The following NRXN3 variants were observed in gnomAD, a reference collection of about 807,000 sequenced individuals.
NRXN3 encodes the protein neurexin III.
NRXN3 carries 32 observed loss-of-function variants against 137.6 expected under a neutral mutation model. The observed-to-expected ratio is 0.23, with a 90% confidence interval of 0.18 to 0.31. The LOEUF (loss-of-function observed/expected upper bound fraction) is 0.31. Ranked by LOEUF, NRXN3 falls within the 10% of genes least tolerant of loss-of-function variation. The pLI is 1.00. For synonymous variants in NRXN3, 798 were observed against 784.5 expected, an observed-to-expected ratio of 1.02 and a Z score of -0.29; for missense variants, 1,574 against 2,062.5, an observed-to-expected ratio of 0.76 and a Z score of 4.59.
At chr14:79,673,422 C>T (rs181230723) in intron 17 of NRXN3, among the ~76,000 whole-genome samples, 3 of 152,140 alleles carry the variant, frequency 2.0e-5, no homozygotes, top group Admixed American at 6.6e-5. Flanking sequence ...AATGTCAATT[C>T]GACAGAACTT....
chr14:79,845,784 C>T lies in NRXN3; in HGVS notation c.4094-15558C>T, dbSNP rs556473275. Among the ~76,000 whole-genome samples the T allele has an allele frequency of 2.2e-3, 17 of 7,900 alleles. 1 individual carries two copies. Among genetic ancestry groups the T allele is most frequent in the African/African-American group, 4.0e-3 (8 of 1,992 alleles). The allele number at this position is 7,900 out of a possible 152,430, so 5.2% of individuals were successfully genotyped here. On this transcript the variant is annotated intron_variant, in intron 20 of 20. Coordinates refer to ENST00000335750, the MANE Select transcript of NRXN3 (RefSeq NM_001330195.2). ...AGGGAGACGGGGAGAGAGAGGGAGACGGGGAGAGAGAGGGAGACGGGGAGA... is the reference window on the plus strand; with the variant it reads ...AGGGAGACGGGGAGAGAGAGGGAGATGGGGAGAGAGAGGGAGACGGGGAGA...
intron 15 of NRXN3, among the ~76,000 whole-genome samples, chr14:79,204,971 T>A (rs780702059): frequency 2.6e-5 from 4 of 152,286 alleles, no homozygotes; most frequent in African/African-American, 9.6e-5. Flanking sequence ...TTCTTCCCTC[T>A]AAAGAGCATT....
intron 2 of NRXN3, among the ~76,000 whole-genome samples, chr14:78,256,701 G>A (rs2069677575): frequency 6.6e-6 from 1 of 152,218 alleles, no homozygotes; most frequent in South Asian, 2.1e-4. Context: ...ATATTCCTAG[G>A]AACCTGCATC....
chr14:79,606,288 G>A (rs1282484135), intron 16 of NRXN3, among the ~76,000 whole-genome samples: 2 of 152,116 alleles, frequency 1.3e-5, no homozygotes, highest in Non-Finnish European at 2.9e-5. Flanking sequence ...AAATAAAGCA[G>A]ATAAACCGTG....
At chr14:78,579,630 C>G (rs1026448742) in intron 4 of NRXN3, among the ~76,000 whole-genome samples, 1 of 151,994 alleles carries the variant, frequency 6.6e-6, no homozygotes, top group South Asian at 2.1e-4. Context: ...TTCTCATCAC[C>G]CTCTTCAGGG....
chr14:78,422,112 A>G (rs745404256), intron 4 of NRXN3, among the ~76,000 whole-genome samples: 6 of 152,148 alleles, frequency 3.9e-5, no homozygotes, highest in Non-Finnish European at 7.3e-5. Context: ...TGTGCTGTGC[A>G]AAGGTGAAGG....
At chr14:79,819,511 G>A (rs1302844543) in intron 20 of NRXN3, among the ~76,000 whole-genome samples, 70 of 48,258 alleles carry the variant, frequency 1.5e-3, no homozygotes, top group African/African-American at 8.4e-3. Flanking sequence ...TTGAGACGGA[G>A]TCTTTTTCTG....
chr14:79,059,999 A>T (rs1214328042), intron 15 of NRXN3, among the ~76,000 whole-genome samples: 1 of 152,132 alleles, frequency 6.6e-6, no homozygotes, highest in East Asian at 1.9e-4. Flanking sequence ...GTCAAACAGA[A>T]TTTTTTTGGG....
At chr14:79,793,713 TTA>T (rs1335576330) in intron 19 of NRXN3, among the ~76,000 whole-genome samples, 33 of 152,358 alleles carry the variant, frequency 2.2e-4, no homozygotes, top group African/African-American at 7.7e-4. Flanking sequence ...AGTCTATTTG[TTA>T]TGTTTTTTAT....
At chr14:78,995,293 G>C (rs1015834258) in intron 15 of NRXN3, among the ~76,000 whole-genome samples, 2 of 152,182 alleles carry the variant, frequency 1.3e-5, no homozygotes, top group Non-Finnish European at 2.9e-5. Flanking sequence ...TATAGAATTA[G>C]AGTATCTTGC....
In NRXN3 at chr14:79,322,346, A is replaced by G. The variant is rs149121123; in HGVS notation, c.3263-144875A>G. Reference sequence around the variant, plus strand: ...TGATTTACAGAGTTTACAGGAGGACACCGAAATCACAGGCTTGACCGCATT... The same window carrying G: ...TGATTTACAGAGTTTACAGGAGGACGCCGAAATCACAGGCTTGACCGCATT... On this transcript the variant is annotated intron_variant, in intron 15 of 20. Coordinates refer to ENST00000335750, the MANE Select transcript of NRXN3 (RefSeq NM_001330195.2). Among the ~76,000 whole-genome samples the G allele has an allele frequency of 3.3e-5, 5 of 152,284 alleles. No individual in the cohort carries two copies. In the East Asian group the frequency reaches 9.7e-4, roughly 29 times the overall value.
At chr14:78,717,224 G>C (rs1054167707) in intron 8 of NRXN3, among the ~76,000 whole-genome samples, 1 of 152,146 alleles carries the variant, frequency 6.6e-6, no homozygotes, top group Non-Finnish European at 1.5e-5. Flanking sequence ...GTGTCTCTGA[G>C]CTCACCCATT....
At chr14:78,263,634 G>T (rs950076243) in intron 2 of NRXN3, among the ~76,000 whole-genome samples, 8 of 151,918 alleles carry the variant, frequency 5.3e-5, no homozygotes, top group African/African-American at 1.9e-4. Context: ...TGCTCCATAT[G>T]TATTCTATAG....
rs575049543 is a variant in NRXN3 at position 78,956,858 on chromosome 14, GA to G, written c.2276-378del. Among the ~76,000 whole-genome samples the G allele has an allele frequency of 4.6e-5, 7 of 152,210 alleles. No individual in the cohort carries two copies. In the South Asian group the frequency reaches 1.5e-3, roughly 32 times the overall value. On this transcript the variant is annotated intron_variant, in intron 10 of 20. Transcript: ENST00000335750. ...TGCCAAATGGCCAAATTATTCTATA[GA>G]AAAAATACTATGGTAAATTTCCTAT...
rs1229985576 is a variant in NRXN3, at chr14:79,818,230, T to G, written c.4093+13040T>G. On this transcript the variant is annotated intron_variant, in intron 20 of 20. Coordinates refer to ENST00000335750, the MANE Select transcript of NRXN3 (RefSeq NM_001330195.2). ...CACCACGCCTGGCTAATTTTTTGTG[T>G]TTTTAGTAGAGACGGGGTTTCACCG... Among the ~76,000 whole-genome samples the G allele has an allele frequency of 3.9e-5, 6 of 152,096 alleles. No homozygotes were observed. In the East Asian group the frequency reaches 1.2e-3, roughly 30 times the overall value.
intron 15 of NRXN3, among the ~76,000 whole-genome samples, chr14:79,410,168 G>A (rs574467411): frequency 2.8e-4 from 42 of 151,240 alleles, no homozygotes; most frequent in Non-Finnish European, 5.0e-4. Context: ...CCTCATTACC[G>A]TAAAATATAA....
intron 15 of NRXN3, among the ~76,000 whole-genome samples, chr14:79,397,388 A>C (rs915435336): frequency 2.0e-5 from 3 of 152,244 alleles, no homozygotes; most frequent in African/African-American, 4.8e-5. Flanking sequence ...GTTGGTGCTA[A>C]ATACGTGTTT....
At chr14:79,531,872 A>G (rs1241659088) in intron 16 of NRXN3, among the ~76,000 whole-genome samples, 5 of 152,210 alleles carry the variant, frequency 3.3e-5, no homozygotes, top group South Asian at 2.1e-4. Flanking sequence ...TACTAAGGTA[A>G]TAGACATAAC....
rs74328091 is a variant in NRXN3, at chr14:78,473,124, C to T, written c.758-171996C>T. On this transcript the variant is annotated intron_variant, in intron 4 of 20. Transcript: ENST00000335750. ...TCTTTAAAAGAAAAACCTTTCTGGC[C>T]GGGCGTGGTGGCTCAAGCCTGTAAT... Among the ~76,000 whole-genome samples, 859 of 151,976 alleles carry T rather than the reference C, an allele frequency of 5.7e-3. 40 individuals are homozygous for T. The East Asian group carries it at 0.096, about 17-fold the overall frequency.
Sources: gnomAD v4.1 joint callset for allele counts (sites outside exome capture counted in the v4.1 genomes callset) on GRCh38, gnomAD v4.1.1 for gene constraint, MANE v1.5 for transcripts, NCBI Gene and HGNC (gene_info 2026-07-23, HGNC 2026-07-21) for gene names.